GOLGA4: variants seen among roughly 807,000 people sequenced by gnomAD.
The protein encoded by GOLGA4 is golgin A4.
A neutral mutation model predicts 265.9 loss-of-function variants in GOLGA4; 169 were observed. That is an observed-to-expected ratio of 0.64 (90% CI 0.56 to 0.72). The LOEUF is 0.72. Ranked by LOEUF, GOLGA4 falls within the 30% of genes least tolerant of loss-of-function variation. The probability of loss-of-function intolerance (pLI) is 0.00; values close to 1 mark genes in which losing one functional copy is unlikely to be tolerated. For synonymous variants in GOLGA4, 923 were observed against 855.8 expected (o/e 1.08, Z -1.37); for missense variants, 2,482 against 2,483.4 (o/e 1.00, Z 0.01).
At chr3:37,264,520 TATG>T (rs1214578406) in intron 2 of GOLGA4, among the ~76,000 whole-genome samples, 1 of 152,240 alleles carries the variant, frequency 6.6e-6, no homozygotes, top group Non-Finnish European at 1.5e-5. Flanking sequence ...TATTTATAAT[TATG>T]ATGGTCTCTA....
chr3:37,328,233 G>GAC (rs4021346), intron 14 of GOLGA4, among the ~76,000 whole-genome samples, 183 bp from the exon 15 acceptor site: 14,581 of 138,378 alleles, frequency 0.11, 728 homozygotes, highest in African/African-American at 0.13. Context: ...TATGTACCTG[G>GAC]ACACACACAC....
intron 17 of GOLGA4, among the ~76,000 whole-genome samples, chr3:37,335,395 C>G (rs1184753675): frequency 6.6e-6 from 1 of 152,206 alleles, no homozygotes; most frequent in Non-Finnish European, 1.5e-5. Flanking sequence ...GCCAAATCTA[C>G]TAGACCTCAA....
At chr3:37,322,880 A>G (rs2096958931) in intron 13 of GOLGA4, among the ~76,000 whole-genome samples, 2 of 152,076 alleles carry the variant, frequency 1.3e-5, no homozygotes, top group Non-Finnish European at 2.9e-5. Flanking sequence ...AAAATCATAC[A>G]TTCTTTTTCT....
intron 2 of GOLGA4, among the ~76,000 whole-genome samples, chr3:37,257,445 T>G (rs891443004): frequency 6.6e-6 from 1 of 152,134 alleles, no homozygotes; most frequent in Non-Finnish European, 1.5e-5. Context: ...CTTTTCAGTC[T>G]CAGGTTTTCT....
rs1387575637 is a variant in GOLGA4 at position 37,258,016 on chromosome 3, T to C, written c.162+6532T>C. 2.1e-4 allele frequency among the ~76,000 whole-genome samples: 12 copies of C among 57,514 alleles called. 1 individual carries two copies. The highest frequency in any genetic ancestry group is 6.8e-4 in the African/African-American group (10 of 14,626). The allele number at this position is 57,514 out of a possible 152,430, so 37.7% of individuals were successfully genotyped here. A position where few individuals can be genotyped will look rare whatever the true frequency, so the allele number is the denominator to read the frequency against. ...ATATATGTATATATACATACATATA[T>C]ATATGTATGTATATATGTATATATA... is the stretch of plus-strand genomic sequence containing the variant. On this transcript the variant is annotated intron_variant, in intron 2 of 23. Coordinates refer to ENST00000361924, the MANE Select transcript of GOLGA4 (RefSeq NM_002078.5).
chr3:37,290,817 G>C (rs2096862631), intron 5 of GOLGA4, among the ~76,000 whole-genome samples: 1 of 152,110 alleles, frequency 6.6e-6, no homozygotes, highest in African/African-American at 2.4e-5. Context: ...GAGAATGATA[G>C]CTAGGGTATC....
At chr3:37,296,900 C>G (rs1012305970) in intron 7 of GOLGA4, among the ~76,000 whole-genome samples, 30 of 152,098 alleles carry the variant, frequency 2.0e-4, no homozygotes, top group African/African-American at 6.5e-4. Flanking sequence ...GCAAAAATTT[C>G]ATAGTCTGTA....
intron 3 of GOLGA4, among the ~76,000 whole-genome samples, chr3:37,283,670 C>T (rs976747143): frequency 2.6e-5 from 4 of 152,056 alleles, no homozygotes; most frequent in South Asian, 2.1e-4. Context: ...GGACTACAGG[C>T]GCACACCACC....
intron 2 of GOLGA4, chr3:37,275,749 G>C: frequency 3.1e-6 from 5 of 1,613,054 alleles, no homozygotes; most frequent in Non-Finnish European, 2.5e-6. Context: ...TGCAGAAGAA[G>C]AACGCGGCTG....
intron 2 of GOLGA4, among the ~76,000 whole-genome samples, chr3:37,278,221 CAG>C (rs200979187): frequency 0.015 from 2,256 of 147,056 alleles, 53 homozygotes; most frequent in African/African-American, 0.054. Context: ...TTTTTTGAGA[CAG>C]AGTTTTGCTC....
In GOLGA4 at chr3:37,329,000, C is replaced by T. The variant is rs1182195218; in HGVS notation, c.6099C>T (p.Ser2033=). Reference sequence around the variant, plus strand: ...AGGTGGAGGCTGAACTTTTAGAAAGCCATCAAGAAGAGACAAATCAGTTAC... The same window carrying T: ...AGGTGGAGGCTGAACTTTTAGAAAGTCATCAAGAAGAGACAAATCAGTTAC... The part of the protein sequence containing the change: ...AQEVEAELLE[S]HQEETNQLLK... The change falls in exon 16 of 24, where the codon AGC becomes AGT. Residue 2033 remains serine (S), a synonymous_variant. Transcript: ENST00000361924. The T allele has an allele frequency of 1.4e-5, 22 of 1,607,420 alleles. No homozygotes were observed. Among genetic ancestry groups the T allele is most frequent in the South Asian group, 2.2e-5 (2 of 89,942 alleles).
intron 2 of GOLGA4, among the ~76,000 whole-genome samples, chr3:37,272,824 A>G (rs754537819): frequency 2.9e-4 from 44 of 152,328 alleles, no homozygotes; most frequent in Non-Finnish European, 5.1e-4. Context: ...AGTTACTTCT[A>G]TAGTTCTAAC....
chr3:37,296,688 A>G (rs1346780654), intron 7 of GOLGA4, among the ~76,000 whole-genome samples: 2 of 152,206 alleles, frequency 1.3e-5, no homozygotes, highest in East Asian at 3.9e-4. Flanking sequence ...CTCCTGCCTC[A>G]GCCTCCCGAG....
At chr3:37,341,340 T>C (rs1442057445) in intron 20 of GOLGA4, among the ~76,000 whole-genome samples, 1 of 152,210 alleles carries the variant, frequency 6.6e-6, no homozygotes, top group Admixed American at 6.5e-5. Context: ...AGAATAGTTT[T>C]ATTTTGCTAC....
chr3:37,281,572 AGATG>A (rs1559377471), intron 2 of GOLGA4, among the ~76,000 whole-genome samples: 1 of 152,238 alleles, frequency 6.6e-6, no homozygotes, highest in Admixed American at 6.5e-5. Flanking sequence ...GCACTGTTAC[AGATG>A]GTGTATGGAG....
At chr3:37,330,249 TAAGTA>T (rs1359791332) in intron 16 of GOLGA4, among the ~76,000 whole-genome samples, 1 of 152,148 alleles carries the variant, frequency 6.6e-6, no homozygotes, top group Non-Finnish European at 1.5e-5. Context: ...TCAGTGTAGT[TAAGTA>T]ATTTCCCTAA....
At chr3:37,272,636 T>G (rs1231439498) in intron 2 of GOLGA4, among the ~76,000 whole-genome samples, 1 of 152,192 alleles carries the variant, frequency 6.6e-6, no homozygotes, top group Admixed American at 6.5e-5. Context: ...GTTCAAAAAG[T>G]AGAAAACACG....
chr3:37,337,464 G>A (rs933530199), intron 18 of GOLGA4, among the ~76,000 whole-genome samples: 1 of 152,184 alleles, frequency 6.6e-6, no homozygotes, highest in Middle Eastern at 3.4e-3. Context: ...CCCTGCCTCG[G>A]CTTTCCAAAG....
chr3:37,325,018 A>G lies in GOLGA4; in HGVS notation c.3132A>G (p.Ile1044Met), dbSNP rs754434429. The G allele has an allele frequency of 2.1e-5, 34 of 1,612,880 alleles. No individual in the cohort carries two copies. In the African/African-American group the frequency reaches 4.3e-4, roughly 20 times the overall value. ...EVHRRELNDV[I>M]SIWEKKLNQQ... ...ATCGACGAGAACTCAATGATGTCATATCAATCTGGGAAAAGAAACTTAATC... is the reference window on the plus strand; with the variant it reads ...ATCGACGAGAACTCAATGATGTCATGTCAATCTGGGAAAAGAAACTTAATC... Residue 1044 changes from isoleucine to methionine, a missense_variant, in exon 14 of 24, where the codon ATA becomes ATG. Transcript: ENST00000361924.
Sources: allele counts gnomAD v4.1 joint callset (sites outside exome capture counted in the v4.1 genomes callset), GRCh38; gene constraint gnomAD v4.1.1; transcripts MANE v1.5; gene names NCBI Gene and HGNC (gene_info 2026-07-23, HGNC 2026-07-21).